The following GNAS variants were observed in gnomAD, a reference collection of about 807,000 sequenced individuals.
The protein encoded by GNAS is protein ALEX.
A neutral mutation model predicts 54.5 loss-of-function variants in GNAS; 8 were observed. That is an observed-to-expected ratio of 0.15 (90% CI 0.09 to 0.26). GNAS has a LOEUF of 0.26. Among genes scored for constraint, GNAS ranks in the 10% least tolerant of loss-of-function variants. The pLI, the probability that GNAS is intolerant of heterozygous loss-of-function variation, is 1.00. For synonymous variants in GNAS, 204 were observed against 191.4 expected (o/e 1.07, Z -0.54); for missense variants, 170 against 529.8 (o/e 0.32, Z 6.67).
chr20:58,893,688 C>G (rs1437703270), intron 1 of GNAS, among the ~76,000 whole-genome samples: 1 of 152,152 alleles, frequency 6.6e-6, no homozygotes, highest in Non-Finnish European at 1.5e-5. Context: ...GCTGTCTTGT[C>G]TAAAACTTTT....
At chr20:58,905,027 T>C (rs2090945191) in intron 5 of GNAS, among the ~76,000 whole-genome samples, 1 of 152,206 alleles carries the variant, frequency 6.6e-6, no homozygotes, top group African/African-American at 2.4e-5. Flanking sequence ...TTTCACAACA[T>C]TGAACCATTT....
chr20:58,888,671 G>C (rs754374437), upstream of GNAS: 2 of 152,124 alleles, frequency 1.3e-5, no homozygotes, highest in Non-Finnish European at 2.9e-5. Flanking sequence ...CTGCTGCTTC[G>C]AGCAGGGGAG....
chr20:58,850,736 A>C (rs1222557685), intron 1 of GNAS: 5 of 398,372 alleles, frequency 1.3e-5, no homozygotes, highest in Non-Finnish European at 2.2e-5. Flanking sequence ...GGCCCCTGGG[A>C]CCCCACCTCT....
intron 1 of GNAS, chr20:58,854,512 C>G: frequency 6.3e-7 from 1 of 1,576,804 alleles, no homozygotes; most frequent in South Asian, 1.1e-5. Context: ...TCCGGGACAG[C>G]ACCAGCCGAT....
At chr20:58,860,783 C>T (rs2086742166) in intron 1 of GNAS, among the ~76,000 whole-genome samples, 1 of 152,134 alleles carries the variant, frequency 6.6e-6, no homozygotes, top group Non-Finnish European at 1.5e-5. Context: ...GCCTCAGCCT[C>T]TCGAATAGCT....
intron 1 of GNAS, among the ~76,000 whole-genome samples, chr20:58,868,676 C>G (rs1260594013): frequency 6.6e-6 from 1 of 152,192 alleles, no homozygotes; most frequent in African/African-American, 2.4e-5. Flanking sequence ...AAGCAGCCTC[C>G]TAAGGAGTTC....
At chr20:58,887,921 C>T (rs1243387008), upstream of GNAS, among the ~76,000 whole-genome samples, 1 of 152,156 alleles carries the variant, frequency 6.6e-6, no homozygotes, top group African/African-American at 2.4e-5. Flanking sequence ...CCTTTTCTTA[C>T]TCGAAGTGGA....
At chr20:58,903,824 C>A (rs770686811) in intron 5 of GNAS, 33 bp downstream of exon 5, 2 of 1,613,176 alleles carry the variant, frequency 1.2e-6, no homozygotes, top group South Asian at 2.2e-5. Context: ...TGGCCTTAGC[C>A]CCGCCCACCT....
At position 58,908,867 on chromosome 20, in the gene GNAS, C is replaced by G. The variant is rs147630997; in HGVS notation, c.531-295C>G. On this transcript the variant is annotated intron_variant, in intron 6 of 12. Transcript: ENST00000371085. ...CGAAGAACAAAGCCCCACCACCGTGCTGTGCTGTTTGTGTGGCCCCACTGC... is the reference window on the plus strand; with the variant it reads ...CGAAGAACAAAGCCCCACCACCGTGGTGTGCTGTTTGTGTGGCCCCACTGC... The G allele has an allele frequency of 2.8e-3, 1,431 of 516,722 alleles. 12 individuals carry two copies. Among genetic ancestry groups the G allele is most frequent in the African/African-American group, 0.024 (1,252 of 52,074 alleles). 32.0% of individuals were successfully genotyped at this position (516,722 alleles called of 1,614,324 possible). A position where few individuals can be genotyped will look rare whatever the true frequency, so the allele number is the denominator to read the frequency against.
intron 1 of GNAS, among the ~76,000 whole-genome samples, chr20:58,870,047 G>A (rs1404051582): frequency 6.6e-5 from 10 of 152,076 alleles, no homozygotes; most frequent in Admixed American, 6.5e-4. Context: ...GGCCACACAG[G>A]CCTCCCACAC....
chr20:58,910,242 G>C lies in GNAS; in HGVS notation c.971-92G>C. The C allele has an allele frequency of 7.9e-7, 1 of 1,269,898 alleles. No homozygotes were observed. Among genetic ancestry groups the C allele is most frequent in the Non-Finnish European group, 1.2e-6 (1 of 865,852 alleles). 78.7% of individuals were successfully genotyped at this position (1,269,898 alleles called of 1,614,324 possible). On this transcript the variant is annotated intron_variant, in intron 11 of 12. Coordinates refer to ENST00000371085, the MANE Select transcript of GNAS (RefSeq NM_000516.7). The surrounding 1 kb of genome is among the most constrained non-coding windows in gnomAD (Gnocchi z 5.8). ...ACTAATTCTCATATGGAAAAATCAGGGTTTTGAAGACTTCAGGAGCTACAG... is the reference window on the plus strand; with the variant it reads ...ACTAATTCTCATATGGAAAAATCAGCGTTTTGAAGACTTCAGGAGCTACAG...
chr20:58,891,966 C>T (rs1272894544), intron 1 of GNAS, 101 bp downstream of exon 1: 3 of 775,194 alleles, frequency 3.9e-6, no homozygotes, highest in Admixed American at 1.3e-4. Context: ...GGCGCGCGCT[C>T]CCGAGCCCCC....
At position 58,910,197 on chromosome 20, in the gene GNAS, A is replaced by G; in HGVS notation, c.970+116A>G. On this transcript the variant is annotated intron_variant, in intron 11 of 12. Transcript: ENST00000371085. This position sits in a 1 kb window ranked among gnomAD's most constrained non-coding sequence, Gnocchi z 5.8. Reference sequence around the variant, plus strand: ...CAAACCATAAAGGATCTATAAGAGAAGCAAGAAAAACGCACTCCCACTAAT... The same window carrying G: ...CAAACCATAAAGGATCTATAAGAGAGGCAAGAAAAACGCACTCCCACTAAT... The G allele has an allele frequency of 1.5e-6, 2 of 1,346,492 alleles. No homozygotes were observed. Among genetic ancestry groups the G allele is most frequent in the Non-Finnish European group, 2.1e-6 (2 of 936,150 alleles). 83.4% of individuals were successfully genotyped at this position (1,346,492 alleles called of 1,614,324 possible). A position where few individuals can be genotyped will look rare whatever the true frequency, so the allele number is the denominator to read the frequency against.
Position 58,911,043 on chromosome 20 carries a change from A to G in GNAS, c.*214A>G, listed in dbSNP as rs1318846697. The G allele has an allele frequency of 5.9e-6, 4 of 679,318 alleles. No homozygotes were observed. In the East Asian group the frequency reaches 1.1e-4, roughly 19 times the overall value. 42.1% of individuals were successfully genotyped at this position (679,318 alleles called of 1,614,324 possible). The stretch of plus-strand genomic sequence containing the variant: ...AGGCGGCCTACAGAAAAAGGAAAAA[A>G]GGCCACAAAAGTTCCCTCTCACTTT... On this transcript the variant is annotated 3_prime_UTR_variant, in exon 13 of 13. Coordinates refer to ENST00000371085, the MANE Select transcript of GNAS (RefSeq NM_000516.7).
chr20:58,859,900 A>T (rs912195243), intron 1 of GNAS, among the ~76,000 whole-genome samples: 1 of 152,244 alleles, frequency 6.6e-6, no homozygotes, highest in Admixed American at 6.5e-5. Flanking sequence ...CTGGGATTAC[A>T]GGCATGAGCC....
chr20:58,871,949 G>A (rs376227476), intron 1 of GNAS, among the ~76,000 whole-genome samples: 2 of 152,206 alleles, frequency 1.3e-5, no homozygotes, highest in East Asian at 3.9e-4. Context: ...CACAGCTGAG[G>A]GGCCAGGCTG....
At position 58,841,034 on chromosome 20, in the gene GNAS, G is replaced by A. The variant is rs2085699682; in HGVS notation, c.43+148G>A. ...GCCTGGGATCGGGGGTCAGGGTGAG[G>A]CGGCGAGGGCTCCCCCAAACTTCCC... is the stretch of plus-strand genomic sequence containing the variant. On this transcript the variant is annotated intron_variant, in intron 1 of 12. Coordinates refer to the GNAS transcript ENST00000306090. This position sits in a 1 kb window ranked among gnomAD's most constrained non-coding sequence, Gnocchi z 5.0. 1 of 934,298 alleles carries A rather than the reference G, an allele frequency of 1.1e-6. No individual in the cohort carries two copies. The highest frequency in any genetic ancestry group is 2.7e-5 in the East Asian group (1 of 37,608). The allele number at this position is 934,298 out of a possible 1,614,324, so 57.9% of individuals were successfully genotyped here. A position where few individuals can be genotyped will look rare whatever the true frequency, so the allele number is the denominator to read the frequency against.
chr20:58,897,013 A>G (rs1289504744), intron 2 of GNAS, among the ~76,000 whole-genome samples: 12 of 152,216 alleles, frequency 7.9e-5, no homozygotes, highest in Non-Finnish European at 1.6e-4. Flanking sequence ...TTGTTAGATC[A>G]AATAATTGTT....
chr20:58,903,050 A>T (rs1018612192), intron 3 of GNAS: 1 of 307,716 alleles, frequency 3.2e-6, no homozygotes, highest in African/African-American at 2.2e-5. Context: ...GTAATGAACT[A>T]TTATAAACAC....
Sources: allele counts gnomAD v4.1 joint callset (sites outside exome capture counted in the v4.1 genomes callset), GRCh38; gene constraint gnomAD v4.1.1; non-coding constraint Gnocchi (gnomAD v3.1); transcripts MANE v1.5; gene names NCBI Gene and HGNC (gene_info 2026-07-23, HGNC 2026-07-21).